NEMF: variants seen among roughly 807,000 people sequenced by gnomAD.
NEMF encodes ribosome quality control complex subunit NEMF.
A neutral mutation model predicts 162.2 loss-of-function variants in NEMF; 89 were observed. The observed-to-expected ratio is 0.55, with a 90% CI of 0.46 to 0.65. The LOEUF (loss-of-function observed/expected upper bound fraction) is 0.65. Ranked by LOEUF, NEMF falls within the 30% of genes least tolerant of loss-of-function variation. The probability of loss-of-function intolerance (pLI) is 0.00; values close to 1 mark genes in which losing one functional copy is unlikely to be tolerated. For synonymous variants in NEMF, 421 were observed against 404.5 expected (o/e 1.04, Z -0.49); for missense variants, 1,133 against 1,261.9 (o/e 0.90, Z 1.55).
chr14:49,827,948 G>C (rs1892444522), intron 15 of NEMF, among the ~76,000 whole-genome samples: 1 of 152,214 alleles, frequency 6.6e-6, no homozygotes, highest in Non-Finnish European at 1.5e-5. Flanking sequence ...GGACTGATCA[G>C]TGGAAATAAT....
chr14:49,791,849 G>C (rs894068302), intron 26 of NEMF, among the ~76,000 whole-genome samples: 1 of 151,646 alleles, frequency 6.6e-6, no homozygotes, highest in African/African-American at 2.4e-5. Context: ...CAATAAACAG[G>C]ACTGAGGAAT....
chr14:49,829,520 T>A (rs527946548), intron 11 of NEMF, 94 bp from the exon 12 acceptor site: 1 of 1,008,082 alleles, frequency 9.9e-7, no homozygotes, highest in African/African-American at 1.6e-5. Flanking sequence ...CCTGACCCCA[T>A]CTATGCTGTT....
chr14:49,795,152 T>C (rs960344937), intron 26 of NEMF, among the ~76,000 whole-genome samples: 2 of 151,892 alleles, frequency 1.3e-5, no homozygotes, highest in Non-Finnish European at 2.9e-5. Context: ...CCAGACAATA[T>C]AGTTAGACCC....
At chr14:49,803,320 T>C in intron 19 of NEMF, 26 bp from the exon 20 acceptor site, 2 of 1,500,646 alleles carry the variant, frequency 1.3e-6, no homozygotes, top group Non-Finnish European at 9.2e-7. Flanking sequence ...ATACATTATA[T>C]TCTTATTTAA....
intron 16 of NEMF, chr14:49,820,339 A>G: frequency 2.3e-6 from 1 of 438,764 alleles, no homozygotes; most frequent in South Asian, 1.6e-5. Flanking sequence ...AAGTTAATGA[A>G]TACCTTTTGA....
intron 13 of NEMF, 103 bp downstream of exon 13, chr14:49,828,951 T>C (rs1408334692): frequency 1.5e-6 from 2 of 1,359,312 alleles, no homozygotes; most frequent in Non-Finnish European, 2.0e-6. Context: ...TTTCCCTTTC[T>C]TTGAGAATTT....
chr14:49,835,155 G>A (rs370560320), intron 6 of NEMF, among the ~76,000 whole-genome samples: 99 of 150,666 alleles, frequency 6.6e-4, no homozygotes, highest in African/African-American at 2.3e-3. Context: ...AGCCAAGATC[G>A]TGCCATTGCA....
chr14:49,838,336 A>G (rs1410669244), intron 5 of NEMF, 130 bp from the exon 6 acceptor site: 1 of 695,270 alleles, frequency 1.4e-6, no homozygotes, highest in Non-Finnish European at 2.5e-6. Flanking sequence ...ACAGGAATTC[A>G]TTCTTCTGTT....
In NEMF at chr14:49,788,926, G is replaced by A. The variant is rs116601773; in HGVS notation, c.2895+220C>T. Among the ~76,000 whole-genome samples the A allele has an allele frequency of 6.9e-3, 1,049 of 152,192 alleles. 10 individuals carry two copies. Among genetic ancestry groups the A allele is most frequent in the Middle Eastern group, 0.024 (7 of 294 alleles). ...TCCTTAAAACTGATTACTTCCTAAA[G>A]GCTTGTAACAAAATTGTTATCAGCT... On this transcript the variant is annotated intron_variant, in intron 28 of 32. Coordinates refer to ENST00000298310, the MANE Select transcript of NEMF (RefSeq NM_004713.6).
chr14:49,789,321 T>C lies in NEMF; in HGVS notation c.2720A>G (p.Glu907Gly). The change falls in exon 28 of 33, where the codon GAA becomes GGA. Residue 907 changes from glutamate (E) to glycine (G), a missense_variant. Glu to Gly is a moderately conservative substitution (Grantham distance 98). Transcript: ENST00000298310. ...TCCTTTCTTCCCCTTCTTCCCTTTTTCTTCTTTGTTTGAACCTGCAGACTT... is the reference window on the plus strand; with the variant it reads ...TCCTTTCTTCCCCTTCTTCCCTTTTCCTTCTTTGTTTGAACCTGCAGACTT... ...LLGSAGSNKEEKGKKGKKGKT... is the reference protein window; with the variant it reads ...LLGSAGSNKEGKGKKGKKGKT... 1 of 1,614,234 alleles carries C rather than the reference T, an allele frequency of 6.2e-7. No homozygotes were observed.
intron 18 of NEMF, among the ~76,000 whole-genome samples, chr14:49,813,301 G>A (rs938487429): frequency 4.6e-5 from 7 of 152,162 alleles, no homozygotes; most frequent in African/African-American, 1.7e-4. Flanking sequence ...CAACTGGTAA[G>A]TATAATGCAA....
In NEMF at chr14:49,833,416, G is replaced by C. The variant is rs919131320; in HGVS notation, c.735+7C>G. 1 of 1,558,240 alleles carries C rather than the reference G, an allele frequency of 6.4e-7. No homozygotes were observed. On this transcript the variant is annotated splice_region_variant and intron_variant, in intron 8 of 32. Transcript: ENST00000298310. ...CAACAATATATAGTAAGTATACATGGTGCTACCTTCCCACTGAAGTTGGAT... is the reference window on the plus strand; with the variant it reads ...CAACAATATATAGTAAGTATACATGCTGCTACCTTCCCACTGAAGTTGGAT...
chr14:49,809,646 T>TGAG (rs1891378359), intron 18 of NEMF, among the ~76,000 whole-genome samples: 1 of 150,836 alleles, frequency 6.6e-6, no homozygotes. Flanking sequence ...GCAGAACACT[T>TGAG]GTCAGGAGTT....
Position 49,782,521 on chromosome 14 carries a change from T to G in NEMF, c.*2115A>C. 1 of 1,603,000 alleles carries G rather than the reference T, an allele frequency of 6.2e-7. No homozygotes were observed. The highest frequency in any genetic ancestry group is 8.5e-7 in the Non-Finnish European group (1 of 1,172,022). ...TGCAAAGCATTTGCTTTTAAATGTGTTCTTCCTATTTATTTTTCAGGCACA... is the reference window on the plus strand; with the variant it reads ...TGCAAAGCATTTGCTTTTAAATGTGGTCTTCCTATTTATTTTTCAGGCACA... On this transcript the variant is annotated 3_prime_UTR_variant, in exon 33 of 33. Transcript: ENST00000298310.
At chr14:49,786,968 T>TTAA (rs1179760698) in intron 28 of NEMF, 34 of 485,480 alleles carry the variant, frequency 7.0e-5, no homozygotes, top group Non-Finnish European at 1.2e-4. Flanking sequence ...AGTAATGTCA[T>TTAA]TCAAGAGAAG....
chr14:49,800,371 A>T (rs1460612622), intron 23 of NEMF, 49 bp downstream of exon 23: 1 of 1,343,164 alleles, frequency 7.4e-7, no homozygotes, highest in Non-Finnish European at 1.0e-6. Context: ...TTACCTCATC[A>T]TCATTCTCAG....
intron 28 of NEMF, 146 bp downstream of exon 28, chr14:49,789,000 T>C: frequency 1.5e-6 from 1 of 684,734 alleles, no homozygotes; most frequent in South Asian, 1.8e-5. Flanking sequence ...AATTTTAGTC[T>C]TTCAGGTTGT....
chr14:49,832,987 C>T (rs1892718241), intron 8 of NEMF, among the ~76,000 whole-genome samples: 1 of 152,030 alleles, frequency 6.6e-6, no homozygotes, highest in Non-Finnish European at 1.5e-5. Flanking sequence ...TATCCTGGGC[C>T]GGGTGCAGTG....
intron 26 of NEMF, among the ~76,000 whole-genome samples, chr14:49,792,754 A>C (rs765763323): frequency 6.6e-6 from 1 of 152,178 alleles, no homozygotes; most frequent in Non-Finnish European, 1.5e-5. Context: ...AACAAGCAGG[A>C]GGATAACTTG....
Sources: allele counts gnomAD v4.1 joint callset (sites outside exome capture counted in the v4.1 genomes callset), GRCh38; gene constraint gnomAD v4.1.1; transcripts MANE v1.5; gene names NCBI Gene and HGNC (gene_info 2026-07-23, HGNC 2026-07-21).